Variants in PRKG1 observed in about 807,000 individuals in gnomAD.
PRKG1 encodes protein kinase cGMP-dependent 1, also known as cGMP-dependent protein kinase 1.
A neutral mutation model predicts 88.1 loss-of-function variants in PRKG1; 35 were observed. That is an observed-to-expected ratio of 0.40 (90% CI 0.30 to 0.53). PRKG1 has a LOEUF of 0.53. Ranked by LOEUF, PRKG1 falls within the 20% of genes least tolerant of loss-of-function variation. PRKG1 has a pLI of 0.59. For synonymous variants in PRKG1, 303 were observed against 292.5 expected (o/e 1.04, Z -0.37); for missense variants, 540 against 839.8 (o/e 0.64, Z 4.41).
intron 1 of PRKG1, among the ~76,000 whole-genome samples, chr10:51,076,043 TA>T (rs1423679312): frequency 6.6e-6 from 1 of 152,252 alleles, no homozygotes; most frequent in Non-Finnish European, 1.5e-5. Context: ...CTTCACTTCA[TA>T]AATACAACAA....
At chr10:51,997,335 G>A (rs7091177) in intron 5 of PRKG1, among the ~76,000 whole-genome samples, 29,954 of 151,756 alleles carry the variant, frequency 0.2, 3,795 homozygotes, top group East Asian at 0.35. Flanking sequence ...GCTGGGCGTG[G>A]TGGTGGGTGC....
At chr10:51,942,265 T>A (rs9731403) in intron 5 of PRKG1, among the ~76,000 whole-genome samples, 2 of 151,642 alleles carry the variant, frequency 1.3e-5, no homozygotes, top group Non-Finnish European at 2.9e-5. Flanking sequence ...GAGAAGTGTC[T>A]GTTCATGTCC....
chr10:51,174,035 G>T (rs1589219756), intron 2 of PRKG1, among the ~76,000 whole-genome samples: 1 of 151,734 alleles, frequency 6.6e-6, no homozygotes, highest in Non-Finnish European at 1.5e-5. Flanking sequence ...GTATATTTTT[G>T]ACTTAGGGAG....
chr10:51,950,720 T>C (rs7905946), intron 5 of PRKG1, among the ~76,000 whole-genome samples: 12,729 of 152,302 alleles, frequency 0.084, 1,459 homozygotes, highest in African/African-American at 0.26. Context: ...AGCAGCTCAG[T>C]CAGTCCCTGG....
At chr10:51,769,185 A>T (rs1002664128) in intron 3 of PRKG1, among the ~76,000 whole-genome samples, 5 of 152,216 alleles carry the variant, frequency 3.3e-5, no homozygotes, top group Non-Finnish European at 7.3e-5. Flanking sequence ...AAACGCACTG[A>T]ATCAGAACTC....
chr10:51,903,735 G>A lies in PRKG1; in HGVS notation c.699-3772G>A, dbSNP rs888103985. Among the ~76,000 whole-genome samples, 14 of 152,080 alleles carry A rather than the reference G, an allele frequency of 9.2e-5. No individual in the cohort carries two copies. In the East Asian group the frequency reaches 2.5e-3, roughly 27 times the overall value. On this transcript the variant is annotated intron_variant, in intron 4 of 17. Transcript: ENST00000373980. The stretch of plus-strand genomic sequence containing the variant: ...TATTTCCATATCACTATCTAAAAGA[G>A]TAAAGTGTTGTTTTGAAAGGCATTT...
At chr10:51,351,687 G>T (rs892336515) in intron 2 of PRKG1, among the ~76,000 whole-genome samples, 1 of 152,052 alleles carries the variant, frequency 6.6e-6, no homozygotes, top group African/African-American at 2.4e-5. Flanking sequence ...CTCCCATTCT[G>T]TAGGTTGTCT....
intron 9 of PRKG1, among the ~76,000 whole-genome samples, chr10:52,234,300 A>G (rs1022483913): frequency 6.6e-6 from 1 of 152,374 alleles, no homozygotes; most frequent in East Asian, 1.9e-4. Context: ...CAGCAACGGA[A>G]CAAAGCTGGA....
intron 2 of PRKG1, among the ~76,000 whole-genome samples, chr10:51,430,541 A>G (rs1443652755): frequency 6.6e-6 from 1 of 152,224 alleles, no homozygotes; most frequent in Non-Finnish European, 1.5e-5. Context: ...CCTCTTTGAT[A>G]AACAGTTTTG....
chr10:51,632,510 T>C (rs946850316), intron 3 of PRKG1, among the ~76,000 whole-genome samples: 48 of 152,342 alleles, frequency 3.2e-4, no homozygotes, highest in African/African-American at 1.1e-3. Context: ...AAGCAAACTT[T>C]GCTTTTCCCC....
At chr10:51,654,970 A>G (rs1318613330) in intron 3 of PRKG1, among the ~76,000 whole-genome samples, 1 of 152,118 alleles carries the variant, frequency 6.6e-6, no homozygotes, top group East Asian at 1.9e-4. Flanking sequence ...TGAGGAAATT[A>G]TTTCAGCCCA....
At chr10:52,119,663 T>C (rs1847768643) in intron 7 of PRKG1, among the ~76,000 whole-genome samples, 1 of 152,198 alleles carries the variant, frequency 6.6e-6, no homozygotes, top group African/African-American at 2.4e-5. Context: ...AATGCATTAC[T>C]TTACTCTCTA....
intron 4 of PRKG1, among the ~76,000 whole-genome samples, chr10:51,834,313 A>G (rs991571831): frequency 9.5e-4 from 144 of 152,192 alleles, no homozygotes; most frequent in African/African-American, 3.4e-3. Flanking sequence ...GTTTTGCAAA[A>G]CAGAACTGTG....
At chr10:52,202,847 AT>A (rs1839712735) in intron 9 of PRKG1, among the ~76,000 whole-genome samples, 1 of 151,972 alleles carries the variant, frequency 6.6e-6, no homozygotes. Context: ...AGGTTTTTGT[AT>A]TTTTGTGGAG....
chr10:52,278,620 A>G (rs1002068391), intron 12 of PRKG1, among the ~76,000 whole-genome samples: 2 of 152,162 alleles, frequency 1.3e-5, no homozygotes, highest in Non-Finnish European at 2.9e-5. Flanking sequence ...ATGGAATACT[A>G]TGCAGCCATA....
At chr10:51,167,324 C>T (rs974269114) in intron 2 of PRKG1, among the ~76,000 whole-genome samples, 1 of 151,774 alleles carries the variant, frequency 6.6e-6, no homozygotes, top group African/African-American at 2.4e-5. Flanking sequence ...GAAGTAAACA[C>T]AATAGAAAGG....
chr10:51,941,723 G>A (rs1383385401), intron 5 of PRKG1, among the ~76,000 whole-genome samples: 1 of 150,892 alleles, frequency 6.6e-6, no homozygotes, highest in Non-Finnish European at 1.5e-5. Context: ...TTGTCCTTGC[G>A]ATAGTTCACT....
At chr10:51,643,246 T>C (rs1363564065) in intron 3 of PRKG1, among the ~76,000 whole-genome samples, 1 of 152,212 alleles carries the variant, frequency 6.6e-6, no homozygotes, top group Non-Finnish European at 1.5e-5. Context: ...TCTTAAAATG[T>C]TTCCTGTCAA....
At chr10:51,118,356 G>A (rs557240368) in intron 1 of PRKG1, among the ~76,000 whole-genome samples, 1 of 152,158 alleles carries the variant, frequency 6.6e-6, no homozygotes, top group South Asian at 2.1e-4. Flanking sequence ...ATAGTGCCAT[G>A]CCATTTTAAT....
Sources: allele counts gnomAD v4.1 joint callset (sites outside exome capture counted in the v4.1 genomes callset), GRCh38; gene constraint gnomAD v4.1.1; transcripts MANE v1.5; gene names NCBI Gene and HGNC (gene_info 2026-07-23, HGNC 2026-07-21).